Variants in CREBRF observed in about 807,000 individuals in gnomAD.
CREBRF encodes the protein CREB3 regulatory factor.
CREBRF carries 5 observed loss-of-function variants against 66.1 expected under a neutral mutation model. The observed-to-expected ratio is 0.08, with a 90% CI of 0.04 to 0.16. The LOEUF (loss-of-function observed/expected upper bound fraction) is 0.16. Ranked by LOEUF, CREBRF falls within the 10% of genes least tolerant of loss-of-function variation. The pLI, the probability that CREBRF is intolerant of heterozygous loss-of-function variation, is 1.00. For missense variants in CREBRF, 531 were observed against 744.9 expected (o/e 0.71, Z 3.34); for synonymous variants, 229 against 264.4 (o/e 0.87, Z 1.30).
Position 173,112,364 on chromosome 5 carries a change from C to A in CREBRF, c.1666C>A (p.Leu556Ile). ...YEANKVKLWGLNTEYDNLLFV... is the reference protein window; with the variant it reads ...YEANKVKLWGINTEYDNLLFV... ...AGCTAATAAAGTGAAATTATGGGGC[C>A]TCAACACAGAATATGGTAAACCTAA... Residue 556 changes from leucine (L) to isoleucine (I), a missense_variant, in exon 7 of 9, where the codon CTC becomes ATC. Coordinates refer to ENST00000296953, the MANE Select transcript of CREBRF (RefSeq NM_153607.3). 1 of 1,597,144 alleles carries A rather than the reference C, an allele frequency of 6.3e-7. No individual in the cohort carries two copies. Among genetic ancestry groups the A allele is most frequent in the Non-Finnish European group, 8.5e-7 (1 of 1,170,046 alleles).
chr5:173,088,390 G>T (rs1356306570), intron 3 of CREBRF, among the ~76,000 whole-genome samples: 1 of 140,056 alleles, frequency 7.1e-6, no homozygotes, highest in Non-Finnish European at 1.5e-5. Flanking sequence ...TCAGGAGGCT[G>T]AGGCAGGAGA....
intron 4 of CREBRF, among the ~76,000 whole-genome samples, chr5:173,096,129 C>T (rs191238448): frequency 9.2e-5 from 14 of 152,120 alleles, no homozygotes; most frequent in South Asian, 2.1e-4. Flanking sequence ...CCACCAAACC[C>T]GGCTAATTTT....
intron 1 of CREBRF, among the ~76,000 whole-genome samples, chr5:173,075,522 A>G (rs1488088148): frequency 2.6e-5 from 4 of 152,176 alleles, no homozygotes; most frequent in Non-Finnish European, 5.9e-5. Flanking sequence ...TTCAAAAGGA[A>G]AGGAAAGGAA....
chr5:173,122,421 A>G (rs1292234755), intron 7 of CREBRF, among the ~76,000 whole-genome samples: 1 of 152,062 alleles, frequency 6.6e-6, no homozygotes, highest in Non-Finnish European at 1.5e-5. Flanking sequence ...TATTTTTAAA[A>G]AACAAGTGCC....
In CREBRF at chr5:173,080,609, A is replaced by G; in HGVS notation, c.-167A>G. ...GACAGCATCGCACAGAATTATTTTA[A>G]AAAAAAGCAGTGATCCAAGCAATTG... On this transcript the variant is annotated 5_prime_UTR_variant, in exon 2 of 9. Coordinates refer to ENST00000296953, the MANE Select transcript of CREBRF (RefSeq NM_153607.3). 1 of 619,018 alleles carries G rather than the reference A, an allele frequency of 1.6e-6. No individual in the cohort carries two copies. The allele number at this position is 619,018 out of a possible 1,614,324, so 38.3% of individuals were successfully genotyped here.
chr5:173,072,477 C>T (rs192037506), intron 1 of CREBRF, among the ~76,000 whole-genome samples: 43 of 152,138 alleles, frequency 2.8e-4, no homozygotes, highest in Admixed American at 1.6e-3. Context: ...GAGGTTTCAC[C>T]GTGTTAGCCA....
At chr5:173,097,763 T>C (rs1758513151) in intron 4 of CREBRF, among the ~76,000 whole-genome samples, 1 of 152,172 alleles carries the variant, frequency 6.6e-6, no homozygotes, top group African/African-American at 2.4e-5. Flanking sequence ...TATAATTTTA[T>C]TGATTTGAGT....
chr5:173,113,310 T>C (rs1445676300), intron 7 of CREBRF, among the ~76,000 whole-genome samples: 2 of 151,802 alleles, frequency 1.3e-5, no homozygotes, highest in Non-Finnish European at 2.9e-5. Flanking sequence ...TATTCTTTTT[T>C]TTTTTTTCTT....
At position 173,056,477 on chromosome 5, in the gene CREBRF, C is replaced by A. The variant is rs934070910; in HGVS notation, c.-194C>A. The stretch of plus-strand genomic sequence containing the variant: ...AGTCCCTGAGCCGCCCCTACACCCA[C>A]AGGTGAGCGCCGCCACCCGCTGCTC... On this transcript the variant is annotated splice_region_variant and 5_prime_UTR_variant, in exon 1 of 9. Transcript: ENST00000296953. 20 of 398,302 alleles carry A rather than the reference C, an allele frequency of 5.0e-5. No homozygotes were observed. Among genetic ancestry groups the A allele is most frequent in the Non-Finnish European group, 8.0e-5 (18 of 225,952 alleles). The allele number at this position is 398,302 out of a possible 1,614,324, so 24.7% of individuals were successfully genotyped here.
intron 1 of CREBRF, among the ~76,000 whole-genome samples, chr5:173,059,411 C>T (rs1757198156): frequency 1.3e-5 from 2 of 151,312 alleles, no homozygotes; most frequent in South Asian, 2.1e-4. Flanking sequence ...ATTACAGGCG[C>T]CCACCACCAC....
chr5:173,074,137 T>C (rs1218215491), intron 1 of CREBRF, among the ~76,000 whole-genome samples: 1 of 151,884 alleles, frequency 6.6e-6, no homozygotes, highest in South Asian at 2.1e-4. Context: ...AACCCACCTC[T>C]ACTAAAAATA....
intron 1 of CREBRF, among the ~76,000 whole-genome samples, chr5:173,071,852 C>A: frequency 6.6e-6 from 1 of 151,506 alleles, no homozygotes; most frequent in Middle Eastern, 3.4e-3. Flanking sequence ...CCCAGGAGTT[C>A]GAGACCAGCC....
At chr5:173,127,465 T>C (rs1332683515) in intron 8 of CREBRF, among the ~76,000 whole-genome samples, 2 of 148,864 alleles carry the variant, frequency 1.3e-5, no homozygotes, top group African/African-American at 4.9e-5. Context: ...TCTTTTCTTT[T>C]TTTTTTTTTT....
At position 173,076,767 on chromosome 5, in the gene CREBRF, A is replaced by G. The variant is rs1246205605; in HGVS notation, c.-191-3818A>G. 3.3e-5 allele frequency among the ~76,000 whole-genome samples: 5 copies of G among 151,370 alleles called. No homozygotes were observed. The South Asian group carries it at 8.4e-4, about 25-fold the overall frequency. On this transcript the variant is annotated intron_variant, in intron 1 of 8. Coordinates refer to ENST00000296953, the MANE Select transcript of CREBRF (RefSeq NM_153607.3). ...TCAGTCTCAAAAAAAAAAAAAAAAAAAGAGAGTGTTTAGAACAGTTTCTGC... is the reference window on the plus strand; with the variant it reads ...TCAGTCTCAAAAAAAAAAAAAAAAAGAGAGAGTGTTTAGAACAGTTTCTGC...
At chr5:173,071,962 G>A (rs1011399607) in intron 1 of CREBRF, among the ~76,000 whole-genome samples, 2 of 152,022 alleles carry the variant, frequency 1.3e-5, no homozygotes, top group African/African-American at 4.8e-5. Context: ...GGCAGAAGTG[G>A]GAGGGCTGCT....
chr5:173,081,906 A>C (rs1259040014), intron 2 of CREBRF, among the ~76,000 whole-genome samples: 1 of 151,968 alleles, frequency 6.6e-6, no homozygotes, highest in Non-Finnish European at 1.5e-5. Context: ...CTGTCTCAAA[A>C]AACAAACAAA....
Position 173,091,325 on chromosome 5 carries a change from TGAG to T in CREBRF, c.1155_1157del (p.Glu390del), listed in dbSNP as rs768242468. On this transcript the variant is annotated inframe_deletion, in exon 4 of 9. Transcript: ENST00000296953. ...GCAGTGAGCATGAACTGTCTGAAAA[TGAG>T]GAGGAGGAAGAAGAGGAAGAGGATT... 261 of 1,612,836 alleles carry T rather than the reference TGAG, an allele frequency of 1.6e-4. 1 individual carries two copies. Among genetic ancestry groups the T allele is most frequent in the South Asian group, 2.3e-4 (21 of 90,966 alleles).
chr5:173,063,618 C>T (rs1326946812), intron 1 of CREBRF, among the ~76,000 whole-genome samples: 1 of 152,086 alleles, frequency 6.6e-6, no homozygotes, highest in East Asian at 1.9e-4. Context: ...ATCCACCTGC[C>T]TTGGCCTCTC....
chr5:173,088,217 G>A (rs910963484), intron 3 of CREBRF, among the ~76,000 whole-genome samples: 18 of 149,328 alleles, frequency 1.2e-4, no homozygotes, highest in African/African-American at 4.4e-4. Flanking sequence ...CCATTCTGGA[G>A]GCTCCAGGGC....
Sources: gnomAD v4.1 joint callset for allele counts (sites outside exome capture counted in the v4.1 genomes callset) on GRCh38, gnomAD v4.1.1 for gene constraint, MANE v1.5 for transcripts, NCBI Gene and HGNC (gene_info 2026-07-23, HGNC 2026-07-21) for gene names.